Variants in MTMR9 observed in about 807,000 individuals in gnomAD.
MTMR9 encodes myotubularin related protein 9.
A neutral mutation model predicts 69.5 loss-of-function variants in MTMR9; 39 were observed. The ratio of observed to expected loss-of-function variants is 0.56; its 90% CI spans 0.43 to 0.73. MTMR9 has a LOEUF of 0.73. Ranked by LOEUF, MTMR9 falls within the 30% of genes least tolerant of loss-of-function variation. The pLI is 0.00. For synonymous variants in MTMR9, 354 were observed against 240.8 expected, an observed-to-expected ratio of 1.47 and a Z score of -4.35; for missense variants, 900 against 671.2, an observed-to-expected ratio of 1.34 and a Z score of -3.77.
chr8:11,336,399 T>G, the MTMR9 span, among the ~76,000 whole-genome samples: 7 of 152,226 alleles, frequency 4.6e-5, no homozygotes, highest in Admixed American at 2.0e-4. Context: ...TCCACCTGAT[T>G]ATTGAAAACC....
intron 5 of MTMR9, among the ~76,000 whole-genome samples, chr8:11,309,279 G>A (rs139306202): frequency 3.0e-4 from 45 of 152,292 alleles, no homozygotes; most frequent in African/African-American, 1.0e-3. Context: ...GATAATCCAG[G>A]TATGTGAACT....
intron 2 of MTMR9, among the ~76,000 whole-genome samples, chr8:11,299,803 G>C (rs1321112034): frequency 7.0e-6 from 1 of 142,388 alleles, no homozygotes; most frequent in Non-Finnish European, 1.5e-5. Flanking sequence ...CAACACTTTT[G>C]AGTGTGTGTT....
downstream of MTMR9, chr8:11,331,107 A>G: frequency 6.3e-7 from 1 of 1,589,074 alleles, no homozygotes; most frequent in Middle Eastern, 1.7e-4. Context: ...CCAAGGAAAG[A>G]TGGCTGGCAG....
intron 9 of MTMR9, among the ~76,000 whole-genome samples, chr8:11,321,901 C>T (rs773705074): frequency 2.6e-5 from 4 of 152,152 alleles, no homozygotes; most frequent in Non-Finnish European, 5.9e-5. Flanking sequence ...CCTTTGTGAA[C>T]TTGCCATCCA....
At chr8:11,319,523 A>T in intron 8 of MTMR9, 164 bp from the exon 9 acceptor site, 1 of 677,018 alleles carries the variant, frequency 1.5e-6, no homozygotes, top group Non-Finnish European at 2.5e-6. Flanking sequence ...ATGCCGATTG[A>T]GCTTTTTGAC....
downstream of MTMR9, chr8:11,331,942 C>G: frequency 6.2e-7 from 1 of 1,612,048 alleles, no homozygotes; most frequent in Non-Finnish European, 8.5e-7. Flanking sequence ...AAGGCCCACC[C>G]TGCCCTGGTG....
chr8:11,315,125 G>T, intron 7 of MTMR9, 61 bp downstream of exon 7: 2 of 1,571,888 alleles, frequency 1.3e-6, no homozygotes, highest in Non-Finnish European at 1.7e-6. Flanking sequence ...CCTGCTTTGT[G>T]TGGTAGCTGA....
At chr8:11,296,510 C>T (rs376258651) in intron 2 of MTMR9, among the ~76,000 whole-genome samples, 35 of 152,224 alleles carry the variant, frequency 2.3e-4, no homozygotes, top group South Asian at 1.9e-3. Context: ...CTTGCAAGAT[C>T]GAAACTCTGT....
chr8:11,296,254 G>T (rs905465280), intron 2 of MTMR9, among the ~76,000 whole-genome samples: 2 of 152,076 alleles, frequency 1.3e-5, no homozygotes, highest in African/African-American at 4.8e-5. Flanking sequence ...AAGGATAATA[G>T]TACCTATCTT....
intron 5 of MTMR9, among the ~76,000 whole-genome samples, chr8:11,308,564 A>C (rs1800060233): frequency 6.6e-6 from 1 of 152,042 alleles, no homozygotes; most frequent in Admixed American, 6.6e-5. Context: ...TTCATGACTC[A>C]GTCTTGGTAG....
At chr8:11,300,272 A>G in intron 3 of MTMR9, 124 bp downstream of exon 3, 1 of 1,065,476 alleles carries the variant, frequency 9.4e-7, no homozygotes, top group Non-Finnish European at 1.4e-6. Context: ...CCTAATCTTA[A>G]TATATTTAAA....
chr8:11,295,342 T>G (rs755983138), intron 2 of MTMR9, 40 bp downstream of exon 2: 7 of 1,115,956 alleles, frequency 6.3e-6, no homozygotes, highest in Non-Finnish European at 9.6e-6. Flanking sequence ...AACATAATTT[T>G]ATATTATGAC....
Position 11,324,556 on chromosome 8 carries a change from C to G in MTMR9, c.*1768C>G, listed in dbSNP as rs1357314376. On this transcript the variant is annotated 3_prime_UTR_variant, in exon 10 of 10. Transcript: ENST00000221086. The stretch of plus-strand genomic sequence containing the variant: ...AAACAGCCTCACTTTTTTGTGCTCC[C>G]TCAGAATTGCTTGCTATGTCTGTTA... The G allele has an allele frequency of 6.7e-6, 1 of 150,360 alleles. No homozygotes were observed. The highest frequency in any genetic ancestry group is 2.4e-5 in the African/African-American group (1 of 41,034). The allele number at this position is 150,360 out of a possible 1,614,324, so 9.3% of individuals were successfully genotyped here.
At chr8:11,334,339 A>C in the MTMR9 span, among the ~76,000 whole-genome samples, 5 of 152,206 alleles carry the variant, frequency 3.3e-5, no homozygotes, top group Non-Finnish European at 1.5e-5. Flanking sequence ...GTTATTGAGC[A>C]CTCAATGTAT....
At chr8:11,331,799 G>T (rs754536208), downstream of MTMR9, 37 of 1,611,658 alleles carry the variant, frequency 2.3e-5, no homozygotes, top group South Asian at 3.6e-4. Flanking sequence ...TGGTGGGGCT[G>T]CTGGGCTGTG....
chr8:11,293,880 C>A (rs1465663963), intron 1 of MTMR9, among the ~76,000 whole-genome samples: 1 of 151,938 alleles, frequency 6.6e-6, no homozygotes, highest in South Asian at 2.1e-4. Flanking sequence ...TTTCTGGACT[C>A]TTTTTTTCTG....
intron 7 of MTMR9, among the ~76,000 whole-genome samples, chr8:11,315,445 C>T (rs1053760488): frequency 6.6e-6 from 1 of 152,186 alleles, no homozygotes; most frequent in Non-Finnish European, 1.5e-5. Context: ...AAGCCTTTTG[C>T]TCGTGCTGCT....
chr8:11,301,916 T>G (rs1011968350), intron 3 of MTMR9, among the ~76,000 whole-genome samples: 1 of 152,156 alleles, frequency 6.6e-6, no homozygotes, highest in African/African-American at 2.4e-5. Context: ...CATGCATGCT[T>G]AATAAAGGAA....
downstream of MTMR9, among the ~76,000 whole-genome samples, chr8:11,329,718 C>A (rs377221921): frequency 6.6e-6 from 1 of 152,232 alleles, no homozygotes; most frequent in East Asian, 1.9e-4. Flanking sequence ...GAGATTGCAG[C>A]CTCTGCCCGG....
Sources: gnomAD v4.1 joint callset for allele counts (sites outside exome capture counted in the v4.1 genomes callset) on GRCh38, gnomAD v4.1.1 for gene constraint, MANE v1.5 for transcripts, NCBI Gene and HGNC (gene_info 2026-07-23, HGNC 2026-07-21) for gene names.